Variants in TMEM178B observed in about 807,000 individuals in gnomAD.
The protein encoded by TMEM178B is transmembrane protein 178B.
TMEM178B carries 5 observed loss-of-function variants against 31.0 expected under a neutral mutation model. That is an observed-to-expected ratio of 0.16 (90% CI 0.08 to 0.34). The LOEUF (loss-of-function observed/expected upper bound fraction) is 0.34, where lower values mean the gene tolerates loss of function less well. Among genes scored for constraint, TMEM178B ranks in the 10% least tolerant of loss-of-function variants. TMEM178B has a pLI of 1.00. For missense variants in TMEM178B, 275 were observed against 400.3 expected, an observed-to-expected ratio of 0.69 and a Z score of 2.67; for synonymous variants, 164 against 164.0, an observed-to-expected ratio of 1.00 and a Z score of 0.00.
chr7:141,215,101 T>C (rs1008722945), intron 2 of TMEM178B, among the ~76,000 whole-genome samples: 1 of 152,148 alleles, frequency 6.6e-6, no homozygotes, highest in African/African-American at 2.4e-5. Flanking sequence ...AAGTGTCGAT[T>C]TTAATTTTTA....
At chr7:141,383,736 T>C (rs912954916) in intron 2 of TMEM178B, among the ~76,000 whole-genome samples, 32 of 152,222 alleles carry the variant, frequency 2.1e-4, no homozygotes, top group African/African-American at 7.5e-4. Flanking sequence ...ATATACCCAG[T>C]AATGAGATGG....
rs528325188 is a variant in TMEM178B, at chr7:141,304,206, C to G, written c.496+91502C>G. ...TTTTTAAAAGCACTACGTATTTCTCCTTTTTATCTTCCCACCTGAAAGATC... is the reference window on the plus strand; with the variant it reads ...TTTTTAAAAGCACTACGTATTTCTCGTTTTTATCTTCCCACCTGAAAGATC... On this transcript the variant is annotated intron_variant, in intron 2 of 3. Coordinates refer to ENST00000565468, the MANE Select transcript of TMEM178B (RefSeq NM_001195278.2). Among the ~76,000 whole-genome samples the G allele has an allele frequency of 2.0e-5, 3 of 152,220 alleles. No homozygotes were observed. In the South Asian group the frequency reaches 6.2e-4, roughly 32 times the overall value.
At chr7:141,352,321 C>T (rs1799744823) in intron 2 of TMEM178B, 1 of 152,252 alleles carries the variant, frequency 6.6e-6, no homozygotes, top group South Asian at 2.1e-4. Flanking sequence ...AGCTGGAACC[C>T]TTCACCCTGG....
chr7:141,437,732 C>T lies in TMEM178B; in HGVS notation c.621C>T (p.Leu207=), dbSNP rs1801573611. The T allele has an allele frequency of 1.3e-6, 2 of 1,536,224 alleles. No homozygotes were observed. Among genetic ancestry groups the T allele is most frequent in the African/African-American group, 2.7e-5 (2 of 73,174 alleles). The change falls in exon 3 of 4, where the codon CTC becomes CTT. Residue 207 remains leucine (L), a synonymous_variant. Transcript: ENST00000565468. ...TTATGCAGTACGTGGCAGGGCTGCT[C>T]TTCCTCATGGGAGGTAAGGCTACGG... The part of the protein sequence containing the change: ...RGLMQYVAGL[L]FLMGGTFCII...
intron 1 of TMEM178B, among the ~76,000 whole-genome samples, chr7:141,145,548 T>C (rs940128591): frequency 6.6e-6 from 1 of 152,232 alleles, no homozygotes; most frequent in Non-Finnish European, 1.5e-5. Context: ...GCCAGCATCA[T>C]GGCTCAGTGT....
intron 2 of TMEM178B, among the ~76,000 whole-genome samples, chr7:141,362,226 G>C (rs560178487): frequency 6.6e-6 from 1 of 152,238 alleles, no homozygotes; most frequent in Admixed American, 6.5e-5. Flanking sequence ...AGGAAGTCCT[G>C]GGTGTCAGCA....
chr7:141,400,613 T>C (rs1171545898), intron 2 of TMEM178B, among the ~76,000 whole-genome samples: 5 of 152,208 alleles, frequency 3.3e-5, no homozygotes, highest in African/African-American at 1.2e-4. Context: ...GAGTTAAGTC[T>C]TTCACGTAAT....
At chr7:141,119,402 G>A (rs1795373283) in intron 1 of TMEM178B, among the ~76,000 whole-genome samples, 1 of 152,106 alleles carries the variant, frequency 6.6e-6, no homozygotes, top group Admixed American at 6.5e-5. Flanking sequence ...TGCAGGGCCT[G>A]AGGAGCCCTC....
intron 2 of TMEM178B, among the ~76,000 whole-genome samples, chr7:141,276,804 A>G (rs1263906809): frequency 1.3e-5 from 2 of 152,244 alleles, no homozygotes; most frequent in African/African-American, 4.8e-5. Flanking sequence ...CCTAGGCTAT[A>G]CAGCATAGCC....
In TMEM178B at chr7:141,189,462, C is replaced by T. The variant is rs1796663146; in HGVS notation, c.383-23129C>T. Among the ~76,000 whole-genome samples, 3 of 152,262 alleles carry T rather than the reference C, an allele frequency of 2.0e-5. No individual in the cohort carries two copies. In the South Asian group the frequency reaches 6.2e-4, roughly 32 times the overall value. On this transcript the variant is annotated intron_variant, in intron 1 of 3. Coordinates refer to ENST00000565468, the MANE Select transcript of TMEM178B (RefSeq NM_001195278.2). Reference sequence around the variant, plus strand: ...CAGCTTGTAGACTATTGGGTCAATTCCTAGGTCTGGCAGCCAGGGACCAAG... The same window carrying T: ...CAGCTTGTAGACTATTGGGTCAATTTCTAGGTCTGGCAGCCAGGGACCAAG...
Position 141,074,760 on chromosome 7 carries a change from G to A in TMEM178B, c.382+68G>A. On this transcript the variant is annotated intron_variant, in intron 1 of 3. Coordinates refer to ENST00000565468, the MANE Select transcript of TMEM178B (RefSeq NM_001195278.2). This position sits in a 1 kb window ranked among gnomAD's most constrained non-coding sequence, Gnocchi z 5.1. ...GCCTTTAGGCCCCGCAGCCCCTCGCGTCTCCTTCCCAGGCCACAGGCTATC... is the reference window on the plus strand; with the variant it reads ...GCCTTTAGGCCCCGCAGCCCCTCGCATCTCCTTCCCAGGCCACAGGCTATC... The A allele has an allele frequency of 1.4e-6, 2 of 1,435,490 alleles. No homozygotes were observed. The highest frequency in any genetic ancestry group is 2.5e-5 in the East Asian group (1 of 40,048). The allele number at this position is 1,435,490 out of a possible 1,614,324, so 88.9% of individuals were successfully genotyped here. A position where few individuals can be genotyped will look rare whatever the true frequency, so the allele number is the denominator to read the frequency against.
chr7:141,374,675 G>A (rs1012380187), intron 2 of TMEM178B, among the ~76,000 whole-genome samples: 3 of 152,194 alleles, frequency 2.0e-5, no homozygotes, highest in Admixed American at 6.5e-5. Flanking sequence ...AATTACTTAA[G>A]CATTCATGGG....
At chr7:141,385,744 G>A (rs1301409815) in intron 2 of TMEM178B, among the ~76,000 whole-genome samples, 1 of 152,096 alleles carries the variant, frequency 6.6e-6, no homozygotes, top group Non-Finnish European at 1.5e-5. Flanking sequence ...ACCACCTGTT[G>A]GTCTTATTAT....
the TMEM178B span, among the ~76,000 whole-genome samples, chr7:141,497,416 C>T: frequency 1.1e-4 from 16 of 152,290 alleles, no homozygotes; most frequent in African/African-American, 3.6e-4. Flanking sequence ...AATTCCTTAA[C>T]TTTAAGTTGT....
chr7:141,191,217 C>A lies in TMEM178B; in HGVS notation c.383-21374C>A, dbSNP rs146251684. ...AAGCGTCTTGTCTATTTTTAAGTGG[C>A]TGTATTGCCTTCCATTGCATGCATG... On this transcript the variant is annotated intron_variant, in intron 1 of 3. Transcript: ENST00000565468. Among the ~76,000 whole-genome samples the A allele has an allele frequency of 1.4e-4, 21 of 152,270 alleles. No individual in the cohort carries two copies. The East Asian group carries it at 1.7e-3, about 13-fold the overall frequency.
chr7:141,075,417 T>A (rs1794586388), intron 1 of TMEM178B, among the ~76,000 whole-genome samples: 1 of 152,190 alleles, frequency 6.6e-6, no homozygotes, highest in Admixed American at 6.5e-5. Context: ...TCAGAAAATG[T>A]ATATAAAAAT....
rs141810285 is a variant in TMEM178B at position 141,244,006 on chromosome 7, G to C, written c.496+31302G>C. Reference sequence around the variant, plus strand: ...TAGAGCTGGTAGAAGAGGCAAAACCGGGGCTGCGGACATTTTGGGGGAGCG... The same window carrying C: ...TAGAGCTGGTAGAAGAGGCAAAACCCGGGCTGCGGACATTTTGGGGGAGCG... On this transcript the variant is annotated intron_variant, in intron 2 of 3. Coordinates refer to ENST00000565468, the MANE Select transcript of TMEM178B (RefSeq NM_001195278.2). Among the ~76,000 whole-genome samples, 29 of 152,270 alleles carry C rather than the reference G, an allele frequency of 1.9e-4. No individual in the cohort carries two copies. The East Asian group carries it at 2.7e-3, about 14-fold the overall frequency.
chr7:141,193,460 A>G (rs563621474), intron 1 of TMEM178B, among the ~76,000 whole-genome samples: 198 of 152,304 alleles, frequency 1.3e-3, no homozygotes, highest in Non-Finnish European at 1.2e-3. Flanking sequence ...CTCCATCAGC[A>G]CGAGTTGCTC....
At chr7:141,088,754 G>T (rs1794830099) in intron 1 of TMEM178B, among the ~76,000 whole-genome samples, 1 of 152,100 alleles carries the variant, frequency 6.6e-6, no homozygotes, top group Non-Finnish European at 1.5e-5. Context: ...CATATCCTTT[G>T]CCCACTTTTT....
Sources: allele counts gnomAD v4.1 joint callset (sites outside exome capture counted in the v4.1 genomes callset), GRCh38; gene constraint gnomAD v4.1.1; non-coding constraint Gnocchi (gnomAD v3.1); transcripts MANE v1.5; gene names NCBI Gene and HGNC (gene_info 2026-07-23, HGNC 2026-07-21).